The following PPP6R2 variants were observed in gnomAD, a reference collection of about 807,000 sequenced individuals.
PPP6R2 encodes the protein serine/threonine-protein phosphatase 6 regulatory subunit 2.
PPP6R2 carries 62 observed loss-of-function variants against 100.2 expected under a neutral mutation model. The ratio of observed to expected loss-of-function variants is 0.62; its 90% CI spans 0.50 to 0.76. PPP6R2 has a LOEUF of 0.76. PPP6R2 is among the 30% of genes least tolerant of loss of function. The pLI, the probability that PPP6R2 is intolerant of heterozygous loss-of-function variation, is 0.00. For missense variants in PPP6R2, 1,142 were observed against 1,276.3 expected (o/e 0.89, Z 1.60); for synonymous variants, 525 against 514.7 (o/e 1.02, Z -0.27).
rs767638911 is a variant in PPP6R2, at chr22:50,435,048, C to A, written c.1483C>A (p.Pro495Thr). 2.1e-5 allele frequency: 33 copies of A among 1,591,930 alleles called. No individual in the cohort carries two copies. The highest frequency in any genetic ancestry group is 2.8e-5 in the Non-Finnish European group (33 of 1,168,156). Residue 495 changes from proline (P) to threonine (T), a missense_variant, in exon 13 of 24, where the codon CCT becomes ACT. Transcript: ENST00000612753. ...NAVVQNLERG[P>T]VQTHISEVIR... ...GGTGGTGCAGAACCTGGAGCGGGGCCCTGTGCAGACGCACATCAGCGAGGT... is the reference window on the plus strand; with the variant it reads ...GGTGGTGCAGAACCTGGAGCGGGGCACTGTGCAGACGCACATCAGCGAGGT...
chr22:50,399,761 G>A (rs73439396), intron 3 of PPP6R2, among the ~76,000 whole-genome samples: 4,035 of 152,366 alleles, frequency 0.026, 189 homozygotes, highest in African/African-American at 0.092. Context: ...CTTCTGCGGA[G>A]CAGCCCTTGG....
intron 4 of PPP6R2, among the ~76,000 whole-genome samples, chr22:50,408,641 C>G (rs1344350232): frequency 1.3e-5 from 2 of 152,150 alleles, no homozygotes; most frequent in African/African-American, 4.8e-5. Flanking sequence ...ACCTTTACTA[C>G]CTGGCCCTTG....
At chr22:50,340,078 T>A (rs2042355121), upstream of PPP6R2, among the ~76,000 whole-genome samples, 1 of 141,502 alleles carries the variant, frequency 7.1e-6, no homozygotes, top group Admixed American at 7.1e-5. Context: ...GATGTGTGTG[T>A]GGTGTGTGTG....
chr22:50,414,711 C>CGG (rs2060281470), intron 5 of PPP6R2, 22 bp downstream of exon 5: 1 of 1,582,124 alleles, frequency 6.3e-7, no homozygotes, highest in Admixed American at 1.7e-5. Context: ...AGTCCCCCCC[C>CGG]GTTCCCGAGG....
At chr22:50,334,965 CAAAT>C in the PPP6R2 span, among the ~76,000 whole-genome samples, 2 of 151,666 alleles carry the variant, frequency 1.3e-5, no homozygotes, top group African/African-American at 4.8e-5. Context: ...AACAAACAAA[CAAAT>C]AAAAAACACC....
intron 3 of PPP6R2, among the ~76,000 whole-genome samples, chr22:50,397,709 C>T (rs111632850): frequency 2.5e-4 from 8 of 31,420 alleles, no homozygotes; most frequent in African/African-American, 1.1e-3. Context: ...TCCTCACCAG[C>T]CTTGTCATCT....
chr22:50,406,551 G>GT, intron 3 of PPP6R2, 138 bp from the exon 4 acceptor site: 1 of 763,188 alleles, frequency 1.3e-6, no homozygotes, highest in Admixed American at 2.6e-5. Context: ...AGGTAGTCAC[G>GT]TTTTTGTTCT....
At chr22:50,365,026 TCTTTA>T (rs2048461202) in intron 1 of PPP6R2, among the ~76,000 whole-genome samples, 1 of 152,018 alleles carries the variant, frequency 6.6e-6, no homozygotes, top group Non-Finnish European at 1.5e-5. Flanking sequence ...ATCTTCCATG[TCTTTA>T]CTTAATCTTT....
chr22:50,394,975 A>T (rs1395634639), intron 3 of PPP6R2, among the ~76,000 whole-genome samples: 1 of 151,804 alleles, frequency 6.6e-6, no homozygotes, highest in Non-Finnish European at 1.5e-5. Context: ...CATTCTAAGT[A>T]AAGTTAATTT....
intron 4 of PPP6R2, among the ~76,000 whole-genome samples, chr22:50,412,767 G>A (rs1213451584): frequency 4.1e-5 from 6 of 146,500 alleles, no homozygotes; most frequent in African/African-American, 1.5e-4. Context: ...TCAGCCTCCC[G>A]AGTAGCTGGG....
intron 22 of PPP6R2, 91 bp downstream of exon 22, chr22:50,441,117 G>A (rs2065488078): frequency 8.7e-6 from 10 of 1,144,898 alleles, no homozygotes; most frequent in Non-Finnish European, 1.2e-5. Flanking sequence ...CTGAGAGGAG[G>A]TGAGGCCAGG....
At position 50,406,803 on chromosome 22, in the gene PPP6R2, G is replaced by T; in HGVS notation, c.342G>T (p.Pro114=). The change falls in exon 4 of 24, where the codon CCG becomes CCT. Residue 114 remains proline, a synonymous_variant. Coordinates refer to ENST00000612753, the MANE Select transcript of PPP6R2 (RefSeq NM_001242898.2). ...TGTACGACTTCTTGGACCATGAGCC[G>T]CCTCTCAATCCTCTGCTCGCCAGTT... ...SLLYDFLDHE[P]PLNPLLASFF... is the part of the protein sequence containing the mutation. 4 of 1,614,102 alleles carry T rather than the reference G, an allele frequency of 2.5e-6. No homozygotes were observed. Among genetic ancestry groups the T allele is most frequent in the Non-Finnish European group, 3.4e-6 (4 of 1,179,984 alleles).
intron 2 of PPP6R2, among the ~76,000 whole-genome samples, chr22:50,391,077 G>T (rs1179056904): frequency 6.6e-6 from 1 of 151,868 alleles, no homozygotes; most frequent in Admixed American, 6.6e-5. Context: ...GGAGGCCAAG[G>T]CGCTTGAGGC....
chr22:50,332,626 C>CTT, the PPP6R2 span, among the ~76,000 whole-genome samples: 4,000 of 134,110 alleles, frequency 0.03, 221 homozygotes, highest in African/African-American at 0.1. Flanking sequence ...GGTTTAAATC[C>CTT]TTTTTTTTTT....
intron 2 of PPP6R2, among the ~76,000 whole-genome samples, chr22:50,384,417 T>A (rs960742432): frequency 2.0e-5 from 3 of 151,984 alleles, no homozygotes; most frequent in African/African-American, 7.2e-5. Flanking sequence ...TAGCCGGGCG[T>A]CGTGGCGGGT....
In PPP6R2 at chr22:50,351,997, G is replaced by A. The variant is rs1020894841; in HGVS notation, c.-148+8447G>A. ...TTTTTAGTAGAGACGGGGTTTCATC[G>A]TGTTAGCCAGGATGGTCTCCATCTC... On this transcript the variant is annotated intron_variant, in intron 1 of 23. Coordinates refer to ENST00000612753, the MANE Select transcript of PPP6R2 (RefSeq NM_001242898.2). Among the ~76,000 whole-genome samples, 6 of 152,002 alleles carry A rather than the reference G, an allele frequency of 3.9e-5. No individual in the cohort carries two copies. The South Asian group carries it at 8.3e-4, about 21-fold the overall frequency.
At chr22:50,343,861 C>A (rs1329812421) in intron 1 of PPP6R2, among the ~76,000 whole-genome samples, 1 of 17,022 alleles carries the variant, frequency 5.9e-5, no homozygotes, top group African/African-American at 4.2e-4. Context: ...AGTTTCCCCC[C>A]AGTCAGTGCC....
chr22:50,391,573 C>G (rs2055560484), intron 2 of PPP6R2, among the ~76,000 whole-genome samples: 1 of 152,012 alleles, frequency 6.6e-6, no homozygotes, highest in Admixed American at 6.6e-5. Flanking sequence ...GCACTCCAGC[C>G]TGGACAACAT....
intron 2 of PPP6R2, among the ~76,000 whole-genome samples, 197 bp downstream of exon 2, chr22:50,372,347 C>T (rs892154157): frequency 2.6e-5 from 4 of 151,974 alleles, no homozygotes; most frequent in Non-Finnish European, 5.9e-5. Context: ...ATCAGGAGTT[C>T]GAGACCAGCC....
Sources: gnomAD v4.1 joint callset for allele counts (sites outside exome capture counted in the v4.1 genomes callset) on GRCh38, gnomAD v4.1.1 for gene constraint, MANE v1.5 for transcripts, NCBI Gene and HGNC (gene_info 2026-07-23, HGNC 2026-07-21) for gene names.